Variants in IKZF4 observed in about 807,000 individuals in gnomAD.
IKZF4 encodes IKAROS family zinc finger 4.
IKZF4 carries 11 observed loss-of-function variants against 47.7 expected under a neutral mutation model. The observed-to-expected ratio is 0.23, with a 90% CI of 0.15 to 0.38. IKZF4 has a LOEUF of 0.38. Among genes scored for constraint, IKZF4 ranks in the 10% least tolerant of loss-of-function variants. The probability of loss-of-function intolerance (pLI) is 1.00; values close to 1 mark genes in which losing one functional copy is unlikely to be tolerated. For synonymous variants in IKZF4, 298 were observed against 299.4 expected (o/e 1.00, Z 0.05); for missense variants, 557 against 784.9 (o/e 0.71, Z 3.47).
chr12:56,011,944 T>C (rs570277616), intron 2 of IKZF4, among the ~76,000 whole-genome samples: 5 of 152,258 alleles, frequency 3.3e-5, no homozygotes, highest in Admixed American at 1.3e-4. Flanking sequence ...GATTTCAACA[T>C]ATTTTTGCTC....
At chr12:56,014,411 T>C (rs1340975714) in intron 2 of IKZF4, among the ~76,000 whole-genome samples, 4 of 152,234 alleles carry the variant, frequency 2.6e-5, no homozygotes, top group African/African-American at 7.2e-5. Flanking sequence ...GAGCCAGTGC[T>C]AGCTGAATGG....
At chr12:56,017,223 T>TCCCCCCCCCCCCCCCCC (rs143740090), upstream of IKZF4, among the ~76,000 whole-genome samples, 1 of 122,438 alleles carries the variant, frequency 8.2e-6, no homozygotes, top group African/African-American at 3.3e-5. Context: ...AAATTCAGAC[T>TCCCCCCCCCCCCCCCCC]CCCCCCCCGC....
chr12:56,010,752 T>C (rs1891236504), intron 1 of IKZF4, among the ~76,000 whole-genome samples: 1 of 152,184 alleles, frequency 6.6e-6, no homozygotes, highest in South Asian at 2.1e-4. Flanking sequence ...GGGCTTAGTT[T>C]CTTCTGTTAA....
chr12:56,016,729 T>C (rs934311138), upstream of IKZF4, among the ~76,000 whole-genome samples: 2 of 152,158 alleles, frequency 1.3e-5, no homozygotes, highest in African/African-American at 4.8e-5. Flanking sequence ...CCCTAGTAGC[T>C]GGGATTACAG....
upstream of IKZF4, among the ~76,000 whole-genome samples, chr12:56,017,949 G>A (rs1892346719): frequency 6.6e-6 from 1 of 152,164 alleles, no homozygotes. Flanking sequence ...TCTTTCCAAA[G>A]CACTAGGATT....
At chr12:56,028,962 C>G (rs780442450) in intron 5 of IKZF4, among the ~76,000 whole-genome samples, 1 of 152,224 alleles carries the variant, frequency 6.6e-6, no homozygotes. Flanking sequence ...TGGGAAATCC[C>G]TCCTCTCACT....
In IKZF4 at chr12:56,035,200, G is replaced by A; in HGVS notation, c.1627G>A (p.Val543Ile). 1 of 1,614,198 alleles carries A rather than the reference G, an allele frequency of 6.2e-7. No individual in the cohort carries two copies. The highest frequency in any genetic ancestry group is 1.3e-5 in the African/African-American group (1 of 75,046). Residue 543 changes from valine (V) to isoleucine (I), a missense_variant, in exon 8 of 8, where the codon GTC becomes ATC. By Grantham distance (29) the Val-to-Ile change is conservative. Coordinates refer to ENST00000547167, the MANE Select transcript of IKZF4 (RefSeq NM_022465.4). The surrounding 1 kb of genome is among the most constrained non-coding windows in gnomAD (Gnocchi z 6.1). ...CTGCCGTATCCTCTTCCTGGACCACGTCATGTTCACTATCCACATGGGCTG... is the reference window on the plus strand; with the variant it reads ...CTGCCGTATCCTCTTCCTGGACCACATCATGTTCACTATCCACATGGGCTG... Reference protein sequence around the residue: ...EHCRILFLDHVMFTIHMGCHG... With the variant: ...EHCRILFLDHIMFTIHMGCHG...
Position 56,035,034 on chromosome 12 carries a change from G to A in IKZF4, c.1461G>A (p.Val487=), listed in dbSNP as rs775078028. Residue 487 remains valine (V), a synonymous_variant, in exon 8 of 8, where the codon GTG becomes GTA. Transcript: ENST00000547167. The surrounding 1 kb of genome is among the most constrained non-coding windows in gnomAD (Gnocchi z 6.1). ...PPPQPPPTIV[V]GRHSPAYAKE... The stretch of plus-strand genomic sequence containing the variant: ...CCCAGCCACCTCCCACCATTGTGGT[G>A]GGCCGGCACAGTCCTGCCTACGCCA... 5 of 1,560,436 alleles carry A rather than the reference G, an allele frequency of 3.2e-6. No homozygotes were observed. Among genetic ancestry groups the A allele is most frequent in the Middle Eastern group, 1.7e-4 (1 of 5,796 alleles).
upstream of IKZF4, chr12:56,018,318 G>A (rs909486646): frequency 1.3e-5 from 6 of 477,142 alleles, no homozygotes; most frequent in Non-Finnish European, 3.5e-6. Context: ...GTGGCCCTTG[G>A]TAGTGTGCAA....
In IKZF4 at chr12:56,035,010, CCA is replaced by C; in HGVS notation, c.1438_1439del (p.Gln480AlafsTer45). The C allele has an allele frequency of 6.4e-7, 1 of 1,555,590 alleles. No individual in the cohort carries two copies. The highest frequency in any genetic ancestry group is 8.7e-7 in the Non-Finnish European group (1 of 1,148,990). ...VVSLPQGPPP[Q>X]PPPTIVVGRH... ...TATCCCTCCCTCAGGGTCCCCCACC[CCA>C]GCCACCTCCCACCATTGTGGTGGGC... is the stretch of plus-strand genomic sequence containing the variant. On this transcript the variant is annotated frameshift_variant, in exon 8 of 8. Transcript: ENST00000547167. LOFTEE classifies it high-confidence loss of function. This position sits in a 1 kb window ranked among gnomAD's most constrained non-coding sequence, Gnocchi z 6.1.
chr12:56,019,885 G>T (rs1258580030), upstream of IKZF4, among the ~76,000 whole-genome samples: 1 of 152,252 alleles, frequency 6.6e-6, no homozygotes, highest in African/African-American at 2.4e-5. Flanking sequence ...GATGGTTTTT[G>T]AATGGAAGTG....
Position 56,021,153 on chromosome 12 carries a change from C to T in IKZF4, c.-341C>T. On this transcript the variant is annotated 5_prime_UTR_variant, in exon 1 of 8. Coordinates refer to ENST00000547167, the MANE Select transcript of IKZF4 (RefSeq NM_022465.4). ...CTGTGCACACACCCACCACCCACCCCCTTCACTGTCTTGGAAAAGGGATGC... is the reference window on the plus strand; with the variant it reads ...CTGTGCACACACCCACCACCCACCCTCTTCACTGTCTTGGAAAAGGGATGC... 5 of 1,398,084 alleles carry T rather than the reference C, an allele frequency of 3.6e-6. No homozygotes were observed. The highest frequency in any genetic ancestry group is 3.7e-6 in the Non-Finnish European group (4 of 1,076,546). The allele number at this position is 1,398,084 out of a possible 1,614,324, so 86.6% of individuals were successfully genotyped here.
At chr12:56,023,413 C>T (rs1370981843) in intron 1 of IKZF4, among the ~76,000 whole-genome samples, 4 of 152,242 alleles carry the variant, frequency 2.6e-5, no homozygotes, top group African/African-American at 9.6e-5. Context: ...CAAGTCTCAA[C>T]CCACAATCCT....
In IKZF4 at chr12:56,035,861, T is replaced by G. The variant is rs1024860889; in HGVS notation, c.*530T>G. On this transcript the variant is annotated 3_prime_UTR_variant, in exon 8 of 8. Transcript: ENST00000547167. This position sits in a 1 kb window ranked among gnomAD's most constrained non-coding sequence, Gnocchi z 6.1. ...GCTCTGTGGCATTATATCTCCTCTC[T>G]GGGACTCTTCAACCTGGTACTCCAT... 1 of 154,318 alleles carries G rather than the reference T, an allele frequency of 6.5e-6. No individual in the cohort carries two copies. The highest frequency in any genetic ancestry group is 1.4e-5 in the Non-Finnish European group (1 of 69,166). The allele number at this position is 154,318 out of a possible 1,614,324, so 9.6% of individuals were successfully genotyped here.
chr12:56,032,748 G>A (rs1895084784), intron 6 of IKZF4, 38 bp downstream of exon 6: 1 of 1,611,048 alleles, frequency 6.2e-7, no homozygotes, highest in Non-Finnish European at 8.5e-7. Flanking sequence ...GTTAAAAGGG[G>A]ATGGTGAGAG....
At position 56,033,306 on chromosome 12, in the gene IKZF4, C is replaced by T; in HGVS notation, c.982C>T (p.Pro328Ser). 6.2e-7 allele frequency: 1 copy of T among 1,614,032 alleles called. No individual in the cohort carries two copies. The highest frequency in any genetic ancestry group is 8.5e-7 in the Non-Finnish European group (1 of 1,179,894). The change falls in exon 7 of 8, where the codon CCC becomes TCC. Residue 328 changes from proline (P) to serine (S), a missense_variant. By Grantham distance (74) the Pro-to-Ser change is moderately conservative (BLOSUM62 -1). Coordinates refer to ENST00000547167, the MANE Select transcript of IKZF4 (RefSeq NM_022465.4). ...CCTCACCAAACGCAAGCGTTCCACA[C>T]CCCAGAAGTTTGTAGGTAAGAATCC... is the stretch of plus-strand genomic sequence containing the variant. ...NSLTKRKRSTPQKFVGEKQMR... is the reference protein window; with the variant it reads ...NSLTKRKRSTSQKFVGEKQMR...
At chr12:56,028,170 A>G (rs1894325103) in intron 5 of IKZF4, among the ~76,000 whole-genome samples, 1 of 152,122 alleles carries the variant, frequency 6.6e-6, no homozygotes, top group South Asian at 2.1e-4. Flanking sequence ...TACATCCACC[A>G]TATGGATGTA....
chr12:56,015,715 G>T (rs140033104), intron 2 of IKZF4, among the ~76,000 whole-genome samples: 1 of 152,262 alleles, frequency 6.6e-6, no homozygotes, highest in Non-Finnish European at 1.5e-5. Flanking sequence ...CATTCATTTT[G>T]AAAAACACCA....
At chr12:56,023,079 G>A (rs555711265) in intron 1 of IKZF4, among the ~76,000 whole-genome samples, 25 of 152,264 alleles carry the variant, frequency 1.6e-4, no homozygotes, top group South Asian at 1.0e-3. Context: ...GATTACAGGC[G>A]TGAGCCACCG....
Sources: allele counts gnomAD v4.1 joint callset (sites outside exome capture counted in the v4.1 genomes callset), GRCh38; gene constraint gnomAD v4.1.1; non-coding constraint Gnocchi (gnomAD v3.1); transcripts MANE v1.5; gene names NCBI Gene and HGNC (gene_info 2026-07-23, HGNC 2026-07-21).